The following IL1RAPL1 variants were observed in gnomAD, a reference collection of about 807,000 sequenced individuals.
IL1RAPL1 encodes interleukin 1 receptor accessory protein like 1.
A neutral mutation model predicts 48.4 loss-of-function variants in IL1RAPL1; 3 were observed. That is an observed-to-expected ratio of 0.06 (90% CI 0.03 to 0.16). The LOEUF is 0.16. IL1RAPL1 is among the 10% of genes least tolerant of loss of function. IL1RAPL1 has a pLI of 1.00. For synonymous variants in IL1RAPL1, 185 were observed against 187.7 expected, an observed-to-expected ratio of 0.99 and a Z score of 0.12; for missense variants, 349 against 530.6, an observed-to-expected ratio of 0.66 and a Z score of 3.36.
chrX:28,907,317 C>T (rs751657290), intron 2 of IL1RAPL1, among the ~76,000 whole-genome samples: 3 of 111,902 alleles, frequency 2.7e-5, no homozygotes, highest in Admixed American at 9.5e-5. Context: ...TGCAATGGCA[C>T]GATCTTGGCT....
chrX:28,654,930 TA>T (rs1934732686), intron 1 of IL1RAPL1, among the ~76,000 whole-genome samples: 1 of 111,909 alleles, frequency 8.9e-6, no homozygotes, highest in South Asian at 3.7e-4. Flanking sequence ...TTTCAAAATG[TA>T]TCTGACTTGG....
intron 6 of IL1RAPL1, among the ~76,000 whole-genome samples, chrX:29,803,290 T>TACAC (rs1930113540): frequency 1.4e-4 from 4 of 28,066 alleles, no homozygotes; most frequent in African/African-American, 4.5e-4. Flanking sequence ...CACACATGTA[T>TACAC]ATATGTATAC....
At chrX:29,786,316 A>G (rs1402840312) in intron 6 of IL1RAPL1, among the ~76,000 whole-genome samples, 2 of 111,298 alleles carry the variant, frequency 1.8e-5, no homozygotes, top group African/African-American at 6.5e-5. Context: ...GAGCACCCAG[A>G]CAGGAAGGAT....
chrX:29,835,234 T>TA (rs200518768), intron 6 of IL1RAPL1, among the ~76,000 whole-genome samples: 5,302 of 110,427 alleles, frequency 0.048, 323 homozygotes, highest in African/African-American at 0.16. Context: ...TCTCTTACTT[T>TA]AAAAAAAAAC....
At chrX:29,231,300 G>A (rs779795084) in intron 2 of IL1RAPL1, among the ~76,000 whole-genome samples, 71 of 111,713 alleles carry the variant, frequency 6.4e-4, no homozygotes, top group African/African-American at 1.9e-3. Flanking sequence ...GACTATAGCC[G>A]TGCAAATGCT....
intron 6 of IL1RAPL1, among the ~76,000 whole-genome samples, chrX:29,821,656 C>T (rs1209725394): frequency 9.0e-6 from 1 of 111,200 alleles, no homozygotes; most frequent in Non-Finnish European, 1.9e-5. Flanking sequence ...TTTTTATTCA[C>T]ATGGCTAGAA....
intron 1 of IL1RAPL1, among the ~76,000 whole-genome samples, chrX:28,658,251 TC>T (rs1569146769): frequency 4.4e-5 from 5 of 112,584 alleles, no homozygotes; most frequent in African/African-American, 1.6e-4. Flanking sequence ...GGAGTCTCAC[TC>T]TGTTGCCCAG....
intron 3 of IL1RAPL1, among the ~76,000 whole-genome samples, chrX:29,367,550 A>ATTTATTTT (rs1345591581): frequency 2.2e-5 from 2 of 91,430 alleles, no homozygotes; most frequent in African/African-American, 4.1e-5. Flanking sequence ...GCTTCTATTT[A>ATTTATTTT]TTTTTATTTA....
chrX:28,619,118 A>G (rs189986415), intron 1 of IL1RAPL1, among the ~76,000 whole-genome samples: 2 of 112,362 alleles, frequency 1.8e-5, no homozygotes, highest in East Asian at 5.6e-4. Flanking sequence ...ATTTTAACAG[A>G]TGCAATAAAA....
chrX:29,572,427 A>G (rs1241195985), intron 5 of IL1RAPL1, among the ~76,000 whole-genome samples: 2 of 112,579 alleles, frequency 1.8e-5, no homozygotes, highest in African/African-American at 6.5e-5. Flanking sequence ...AATGAATAGC[A>G]CTGGCTATTA....
intron 2 of IL1RAPL1, among the ~76,000 whole-genome samples, chrX:28,939,498 AAAG>A (rs753781121): frequency 1.8e-5 from 2 of 110,801 alleles, no homozygotes; most frequent in Non-Finnish European, 3.8e-5. Context: ...TCACGGACAC[AAAG>A]AAGGTAACAA....
At position 29,613,601 on chromosome X, in the gene IL1RAPL1, A is replaced by G. The variant is rs188342365; in HGVS notation, c.704-54829A>G. Among the ~76,000 whole-genome samples the G allele has an allele frequency of 4.1e-3, 456 of 110,765 alleles. 4 individuals carry two copies. The highest frequency in any genetic ancestry group is 0.014 in the African/African-American group (434 of 30,458). ...AGGTTATAAATTCAACATTGACAACAAAAACAGTTTGCTATAAATGATAGA... is the reference window on the plus strand; with the variant it reads ...AGGTTATAAATTCAACATTGACAACGAAAACAGTTTGCTATAAATGATAGA... On this transcript the variant is annotated intron_variant, in intron 5 of 10. Transcript: ENST00000378993.
chrX:29,671,770 C>T (rs959922521), intron 6 of IL1RAPL1, among the ~76,000 whole-genome samples: 3 of 111,857 alleles, frequency 2.7e-5, no homozygotes, highest in Non-Finnish European at 5.6e-5. Flanking sequence ...CGGCCAGGAG[C>T]CCACTTTCAG....
At chrX:29,227,424 C>T (rs1234913462) in intron 2 of IL1RAPL1, among the ~76,000 whole-genome samples, 1 of 111,073 alleles carries the variant, frequency 9.0e-6, no homozygotes, top group African/African-American at 3.3e-5. Flanking sequence ...AGAATTCAAA[C>T]AAAAAATCCC....
At chrX:29,586,400 C>T (rs1409497974) in intron 5 of IL1RAPL1, among the ~76,000 whole-genome samples, 1 of 111,320 alleles carries the variant, frequency 9.0e-6, no homozygotes, top group Non-Finnish European at 1.9e-5. Flanking sequence ...GTTAGATTGG[C>T]CTATATGGCT....
intron 1 of IL1RAPL1, among the ~76,000 whole-genome samples, chrX:28,661,662 ACT>A (rs1359631841): frequency 1.8e-5 from 2 of 111,729 alleles, no homozygotes; most frequent in African/African-American, 6.5e-5. Flanking sequence ...CTACCATGAA[ACT>A]CTATTAATTA....
chrX:29,664,179 C>T (rs977543816), intron 5 of IL1RAPL1, among the ~76,000 whole-genome samples: 9 of 111,548 alleles, frequency 8.1e-5, no homozygotes, highest in African/African-American at 9.8e-5. Flanking sequence ...CCGAGGCAGG[C>T]GGATCACGAG....
intron 6 of IL1RAPL1, among the ~76,000 whole-genome samples, chrX:29,916,117 T>TA (rs1183988775): frequency 3.1e-5 from 3 of 97,802 alleles, no homozygotes; most frequent in African/African-American, 1.1e-4. Context: ...CCATGGTGTA[T>TA]ATGTGCCACA....
chrX:28,798,772 G>A (rs1425571898), intron 2 of IL1RAPL1, among the ~76,000 whole-genome samples: 2 of 111,584 alleles, frequency 1.8e-5, no homozygotes, highest in East Asian at 5.7e-4. Context: ...AAGGGCCTGT[G>A]CAATCCATGG....
Sources: gnomAD v4.1 joint callset for allele counts (sites outside exome capture counted in the v4.1 genomes callset) on GRCh38, gnomAD v4.1.1 for gene constraint, MANE v1.5 for transcripts, NCBI Gene and HGNC (gene_info 2026-07-23, HGNC 2026-07-21) for gene names.